SNRNP40: variants seen among roughly 807,000 people sequenced by gnomAD.
SNRNP40 encodes the protein small nuclear ribonucleoprotein U5 subunit 40, also known as U5 small nuclear ribonucleoprotein 40 kDa protein.
Under a neutral mutation model 45.8 loss-of-function variants are expected in SNRNP40, and 21 were observed. That is an observed-to-expected ratio of 0.46 (90% CI 0.32 to 0.66). The LOEUF (loss-of-function observed/expected upper bound fraction) is 0.66, where lower values mean the gene tolerates loss of function less well. SNRNP40 is among the 30% of genes least tolerant of loss of function. The pLI is 0.03. For missense variants in SNRNP40, 344 were observed against 439.1 expected, an observed-to-expected ratio of 0.78 and a Z score of 1.94; for synonymous variants, 142 against 163.8, an observed-to-expected ratio of 0.87 and a Z score of 1.01.
In SNRNP40 at chr1:31,289,396, T is replaced by C. The variant is rs36013190; in HGVS notation, c.389A>G (p.Asp130Gly). 1 of 1,613,882 alleles carries C rather than the reference T, an allele frequency of 6.2e-7. No homozygotes were observed. Among genetic ancestry groups the C allele is most frequent in the Non-Finnish European group, 8.5e-7 (1 of 1,179,742 alleles). Residue 130 changes from aspartate (D) to glycine (G), a missense_variant, in exon 4 of 10, where the codon GAT becomes GGT. Coordinates refer to ENST00000263694, the MANE Select transcript of SNRNP40 (RefSeq NM_004814.3). Reference protein sequence around the residue: ...DGSMLFSASTDKTVAVWDSET... With the variant: ...DGSMLFSASTGKTVAVWDSET... ...ACTATCCCACACAGCCACGGTTTTATCTGTGGATGCTGAGAAAAGCATACT... is the reference window on the plus strand; with the variant it reads ...ACTATCCCACACAGCCACGGTTTTACCTGTGGATGCTGAGAAAAGCATACT...
chr1:31,284,686 G>A (rs1336315136), intron 4 of SNRNP40, among the ~76,000 whole-genome samples: 4 of 152,210 alleles, frequency 2.6e-5, no homozygotes, highest in Non-Finnish European at 4.4e-5. Flanking sequence ...TGGAACTTTA[G>A]GGAAGGTCAT....
intron 4 of SNRNP40, among the ~76,000 whole-genome samples, chr1:31,285,381 C>T (rs1046216328): frequency 6.6e-6 from 1 of 151,908 alleles, no homozygotes; most frequent in African/African-American, 2.4e-5. Context: ...GCTGGTATTA[C>T]AGGCATCTGC....
chr1:31,260,916 G>C, intron 9 of SNRNP40: 1 of 860,340 alleles, frequency 1.2e-6, no homozygotes, highest in Non-Finnish European at 1.5e-6. Context: ...CATTGAAACA[G>C]ACTTGATGGA....
intron 5 of SNRNP40, among the ~76,000 whole-genome samples, chr1:31,279,712 A>G (rs1179583402): frequency 1.1e-4 from 16 of 151,778 alleles, no homozygotes. Context: ...ACGCCACTGC[A>G]TTCAAGTCTG....
chr1:31,291,863 C>T (rs771113882), intron 3 of SNRNP40, 50 bp downstream of exon 3: 30 of 1,241,604 alleles, frequency 2.4e-5, no homozygotes, highest in African/African-American at 1.5e-4. Context: ...GGTGAAAGGA[C>T]GCCAAGAATT....
chr1:31,284,867 G>A (rs183222477), intron 4 of SNRNP40, among the ~76,000 whole-genome samples: 137 of 152,220 alleles, frequency 9.0e-4, no homozygotes, highest in African/African-American at 3.1e-3. Context: ...TAAAAAGAAC[G>A]CTTCACTCCT....
intron 5 of SNRNP40, among the ~76,000 whole-genome samples, chr1:31,276,581 GATA>G (rs1408840922): frequency 6.6e-6 from 1 of 152,116 alleles, no homozygotes; most frequent in African/African-American, 2.4e-5. Flanking sequence ...GCAGCTATGT[GATA>G]ATAAGTGAAA....
chr1:31,268,149 T>C (rs937990667), intron 7 of SNRNP40, among the ~76,000 whole-genome samples: 1 of 152,188 alleles, frequency 6.6e-6, no homozygotes, highest in Non-Finnish European at 1.5e-5. Context: ...TACAGTTAAT[T>C]AGATTGAACC....
chr1:31,294,537 G>A (rs971033772), intron 1 of SNRNP40, among the ~76,000 whole-genome samples: 11 of 151,604 alleles, frequency 7.3e-5, no homozygotes, highest in African/African-American at 2.4e-4. Flanking sequence ...TCGTCTCATC[G>A]CAAACTCCGC....
intron 1 of SNRNP40, among the ~76,000 whole-genome samples, chr1:31,295,114 G>T (rs1646133917): frequency 6.6e-6 from 1 of 152,088 alleles, no homozygotes; most frequent in East Asian, 1.9e-4. Context: ...GAAGGGATGG[G>T]GATGGTGGCT....
chr1:31,262,112 T>C (rs1178632683), intron 8 of SNRNP40, among the ~76,000 whole-genome samples: 1 of 152,210 alleles, frequency 6.6e-6, no homozygotes, highest in Non-Finnish European at 1.5e-5. Flanking sequence ...AAGTGTCTGG[T>C]ATATAAAATA....
At chr1:31,283,926 T>C (rs1213383654) in intron 4 of SNRNP40, among the ~76,000 whole-genome samples, 1 of 152,048 alleles carries the variant, frequency 6.6e-6, no homozygotes, top group African/African-American at 2.4e-5. Context: ...GAGCTAAAAC[T>C]ATAAAATTCT....
chr1:31,263,735 G>A (rs1645877028), intron 8 of SNRNP40: 5 of 349,076 alleles, frequency 1.4e-5, no homozygotes, highest in South Asian at 1.2e-4. Context: ...TTGATGTCCT[G>A]TGCTGAAGGT....
chr1:31,286,526 A>C (rs923797433), intron 4 of SNRNP40, among the ~76,000 whole-genome samples: 6 of 151,888 alleles, frequency 4.0e-5, no homozygotes, highest in Non-Finnish European at 7.4e-5. Context: ...GCACTTCTCC[A>C]AGCATGCAGT....
In SNRNP40 at chr1:31,293,249, A is replaced by C. The variant is rs1433433815; in HGVS notation, c.241T>G (p.Leu81Val). 1 of 1,614,024 alleles carries C rather than the reference A, an allele frequency of 6.2e-7. No homozygotes were observed. The highest frequency in any genetic ancestry group is 8.5e-7 in the Non-Finnish European group (1 of 1,180,006). The change falls in exon 2 of 10, where the codon TTA (leucine) becomes GTA (valine). Residue 81 changes from leucine (L) to valine (V), a missense_variant. Physicochemically the swap from Leu to Val is conservative, Grantham distance 32. Transcript: ENST00000263694. ...AGTCGGTCAAATCCTGCAGATGCTA[A>C]GGTGGATCCGTTGGGGTGGAACTTG... ...CCKFHPNGST[L>V]ASAGFDRLIL...
Position 31,259,933 on chromosome 1 carries a change from T to C in SNRNP40, c.*139A>G, listed in dbSNP as rs188297244. ...AATGGGACAGAAGTGGTTTTTGGAA[T>C]ATGGCCACCGCCTCCTGTTTCTTGC... On this transcript the variant is annotated 3_prime_UTR_variant, in exon 10 of 10. Coordinates refer to ENST00000263694, the MANE Select transcript of SNRNP40 (RefSeq NM_004814.3). 11 of 734,260 alleles carry C rather than the reference T, an allele frequency of 1.5e-5. No homozygotes were observed. In the East Asian group the frequency reaches 2.9e-4, roughly 20 times the overall value. The allele number at this position is 734,260 out of a possible 1,614,324, so 45.5% of individuals were successfully genotyped here. A position where few individuals can be genotyped will look rare whatever the true frequency, so the allele number is the denominator to read the frequency against.
chr1:31,260,849 G>A lies in SNRNP40; in HGVS notation c.1024+680C>T, dbSNP rs1645853324. 10 of 520,020 alleles carry A rather than the reference G, an allele frequency of 1.9e-5. 1 individual carries two copies. The South Asian group carries it at 2.9e-4, about 15-fold the overall frequency. The allele number at this position is 520,020 out of a possible 1,614,324, so 32.2% of individuals were successfully genotyped here. On this transcript the variant is annotated intron_variant, in intron 9 of 9. Transcript: ENST00000263694. The stretch of plus-strand genomic sequence containing the variant: ...CTGCACTCCAGCCTGGGCGACAAGA[G>A]TGAGACTCTGTCTCAAAAAAAAAAA...
rs746206088 is a variant in SNRNP40, at chr1:31,267,966, T to C, written c.859-34A>G. On this transcript the variant is annotated intron_variant, in intron 7 of 9. Transcript: ENST00000263694. ...AACAAGAATCCACTGAATAGTAATA[T>C]ACCAAACTCCTCTTTGCAAGGCTAC... The C allele has an allele frequency of 1.1e-5, 17 of 1,479,802 alleles. No individual in the cohort carries two copies. In the Admixed American group the frequency reaches 1.9e-4, roughly 16 times the overall value. The allele number at this position is 1,479,802 out of a possible 1,614,324, so 91.7% of individuals were successfully genotyped here.
At chr1:31,292,181 G>A (rs1334348029) in intron 2 of SNRNP40, among the ~76,000 whole-genome samples, 175 bp from the exon 3 acceptor site, 1 of 152,108 alleles carries the variant, frequency 6.6e-6, no homozygotes, top group Non-Finnish European at 1.5e-5. Flanking sequence ...TGGCTGATAC[G>A]GCGAAACCCC....
Sources: allele counts gnomAD v4.1 joint callset (sites outside exome capture counted in the v4.1 genomes callset), GRCh38; gene constraint gnomAD v4.1.1; transcripts MANE v1.5; gene names NCBI Gene and HGNC (gene_info 2026-07-23, HGNC 2026-07-21).